Variants in EPG5 observed in about 807,000 individuals in gnomAD.
The protein encoded by EPG5 is ectopic P-granules 5 autophagy tethering factor.
In EPG5, 159 loss-of-function variants were observed where a neutral mutation model predicts 302.7. The observed-to-expected ratio is 0.53, with a 90% CI of 0.46 to 0.60. EPG5 has a LOEUF of 0.60. Ranked by LOEUF, EPG5 falls within the 20% of genes least tolerant of loss-of-function variation. EPG5 has a pLI of 0.00. For synonymous variants in EPG5, 1,158 were observed against 1,136.8 expected (o/e 1.02, Z -0.37); for missense variants, 2,896 against 3,092.4 (o/e 0.94, Z 1.51).
At chr18:45,920,637 G>A (rs2050134075) in intron 16 of EPG5, among the ~76,000 whole-genome samples, 1 of 152,168 alleles carries the variant, frequency 6.6e-6, no homozygotes, top group African/African-American at 2.4e-5. Flanking sequence ...CGGGGTGCCA[G>A]GCTCTTCTTA....
chr18:45,827,768 C>T, the EPG5 span, among the ~76,000 whole-genome samples: 2 of 152,156 alleles, frequency 1.3e-5, no homozygotes, highest in African/African-American at 2.4e-5. Context: ...TCAAGAGAGC[C>T]GAGGCTTTGG....
At chr18:45,818,804 GCT>G in the EPG5 span, among the ~76,000 whole-genome samples, 1 of 139,938 alleles carries the variant, frequency 7.1e-6, no homozygotes, top group African/African-American at 2.7e-5. Context: ...CGTGATCTCG[GCT>G]CTCTGCAACC....
chr18:45,914,546 T>C (rs963327643), intron 20 of EPG5, among the ~76,000 whole-genome samples: 2 of 152,374 alleles, frequency 1.3e-5, no homozygotes, highest in East Asian at 3.9e-4. Context: ...CAACACTCAG[T>C]GAGCACTGGT....
chr18:45,948,015 T>G lies in EPG5; in HGVS notation c.1571+488A>C, dbSNP rs186098120. Among the ~76,000 whole-genome samples the G allele has an allele frequency of 6.6e-3, 1,010 of 152,234 alleles. 11 individuals carry two copies. The highest frequency in any genetic ancestry group is 0.022 in the African/African-American group (931 of 41,544). On this transcript the variant is annotated intron_variant, in intron 6 of 43. Transcript: ENST00000282041. ...GTCTCAAACTCCTGCCCTCAGGTGA[T>G]CCACCTGCCTCGGCCTCCCAAAGTA...
chr18:45,959,158 G>A (rs2051092753), intron 1 of EPG5, among the ~76,000 whole-genome samples: 1 of 152,218 alleles, frequency 6.6e-6, no homozygotes, highest in Non-Finnish European at 1.5e-5. Flanking sequence ...TGTCTAGGCA[G>A]CGGGCAAGGT....
At chr18:45,935,795 G>A (rs1205780860) in intron 10 of EPG5, among the ~76,000 whole-genome samples, 1 of 152,110 alleles carries the variant, frequency 6.6e-6, no homozygotes, top group Non-Finnish European at 1.5e-5. Flanking sequence ...ACATTCAAAG[G>A]CTTCCACAGT....
rs1418062572 is a variant in EPG5, at chr18:45,848,757, TTAGACATG to T, written c.*3702_*3709del. The T allele has an allele frequency of 5.9e-5, 9 of 152,206 alleles. No homozygotes were observed. Among genetic ancestry groups the T allele is most frequent in the Non-Finnish European group, 1.3e-4 (9 of 68,044 alleles). 9.4% of individuals were successfully genotyped at this position (152,206 alleles called of 1,614,324 possible). On this transcript the variant is annotated 3_prime_UTR_variant, in exon 44 of 44. Coordinates refer to ENST00000282041, the MANE Select transcript of EPG5 (RefSeq NM_020964.3). The stretch of plus-strand genomic sequence containing the variant: ...ACACTTTCCCCAAACCGTAGCCCAG[TTAGACATG>T]ATGGTGGAAAAGGTCTAACTAAAGA...
downstream of EPG5, among the ~76,000 whole-genome samples, chr18:45,847,333 T>C (rs543615981): frequency 6.6e-6 from 1 of 152,262 alleles, no homozygotes; most frequent in Admixed American, 6.5e-5. Context: ...TTGTGCAATT[T>C]TTATGGCCCT....
chr18:45,827,114 C>T, the EPG5 span, among the ~76,000 whole-genome samples: 1 of 152,212 alleles, frequency 6.6e-6, no homozygotes, highest in Non-Finnish European at 1.5e-5. Context: ...CAGAATTTTG[C>T]CACGTTGTCC....
rs767652682 is a variant in EPG5 at position 45,887,745 on chromosome 18, C to G, written c.5109+6G>C. 1.3e-6 allele frequency: 2 copies of G among 1,551,538 alleles called. No homozygotes were observed. The highest frequency in any genetic ancestry group is 1.8e-6 in the Non-Finnish European group (2 of 1,135,854). ...TGATCAAGGCAAAAGGTACAGATAG[C>G]CTTACCTGTCCCAAGATCTCAATAC... is the stretch of plus-strand genomic sequence containing the variant. On this transcript the variant is annotated splice_donor_region_variant and intron_variant, in intron 29 of 43. Coordinates refer to ENST00000282041, the MANE Select transcript of EPG5 (RefSeq NM_020964.3).
At chr18:45,864,047 A>G (rs1045033767) in intron 39 of EPG5, among the ~76,000 whole-genome samples, 1 of 152,196 alleles carries the variant, frequency 6.6e-6, no homozygotes, top group African/African-American at 2.4e-5. Context: ...CTACTTGGAT[A>G]ATAGGATGTA....
intron 35 of EPG5, among the ~76,000 whole-genome samples, chr18:45,875,777 G>A (rs563038934): frequency 2.9e-4 from 44 of 152,198 alleles, no homozygotes; most frequent in African/African-American, 8.2e-4. Flanking sequence ...CCTAAAGGCC[G>A]GGCGTGGTGG....
chr18:45,892,184 G>A (rs1266632236), intron 27 of EPG5, among the ~76,000 whole-genome samples: 1 of 151,864 alleles, frequency 6.6e-6, no homozygotes, highest in Non-Finnish European at 1.5e-5. Context: ...AAACCAGGTG[G>A]TTTAGGCAAG....
intron 1 of EPG5, among the ~76,000 whole-genome samples, chr18:45,959,978 C>T (rs954952776): frequency 6.6e-5 from 10 of 151,914 alleles, no homozygotes; most frequent in African/African-American, 1.9e-4. Context: ...ACTGCCTTTA[C>T]CTACTTCAGT....
At chr18:45,814,103 C>T in the EPG5 span, among the ~76,000 whole-genome samples, 1 of 152,010 alleles carries the variant, frequency 6.6e-6, no homozygotes, top group Non-Finnish European at 1.5e-5. Flanking sequence ...ACCAAAGGAA[C>T]CTGGAAGACA....
At chr18:45,885,577 C>T (rs2049199706) in intron 29 of EPG5, among the ~76,000 whole-genome samples, 1 of 152,042 alleles carries the variant, frequency 6.6e-6, no homozygotes, top group Admixed American at 6.6e-5. Flanking sequence ...ATGACGTCAT[C>T]TTGTTTTAAC....
At chr18:45,959,662 A>T (rs1599659156) in intron 1 of EPG5, among the ~76,000 whole-genome samples, 1 of 76,126 alleles carries the variant, frequency 1.3e-5, no homozygotes, top group South Asian at 4.2e-4. Context: ...CTGTCTCTAA[A>T]TAAATAAATA....
At chr18:45,805,586 G>T in the EPG5 span, among the ~76,000 whole-genome samples, 2 of 152,184 alleles carry the variant, frequency 1.3e-5, no homozygotes, top group African/African-American at 4.8e-5. Context: ...AGCAGAGCTT[G>T]TTGTAATGGC....
chr18:45,855,482 G>A (rs2048496300), intron 43 of EPG5, 91 bp downstream of exon 43: 3 of 836,578 alleles, frequency 3.6e-6, no homozygotes, highest in Non-Finnish European at 4.0e-6. Flanking sequence ...AGAGCATCAT[G>A]TCATGACGCG....
Sources: allele counts gnomAD v4.1 joint callset (sites outside exome capture counted in the v4.1 genomes callset), GRCh38; gene constraint gnomAD v4.1.1; transcripts MANE v1.5; gene names NCBI Gene and HGNC (gene_info 2026-07-23, HGNC 2026-07-21).